Variants in WDR41 observed in about 807,000 individuals in gnomAD.
WDR41 encodes the protein WD repeat domain 41.
In WDR41, 63 loss-of-function variants were observed where a neutral mutation model predicts 69.3. That is an observed-to-expected ratio of 0.91 (90% CI 0.74 to 1.12). The LOEUF (loss-of-function observed/expected upper bound fraction) is 1.12. Among genes scored for constraint, WDR41 ranks in the 50% most tolerant of loss-of-function variants. The probability of loss-of-function intolerance (pLI) is 0.00; values close to 1 mark genes in which losing one functional copy is unlikely to be tolerated. For missense variants in WDR41, 543 were observed against 534.5 expected (o/e 1.02, Z -0.16); for synonymous variants, 185 against 192.1 (o/e 0.96, Z 0.31).
intron 1 of WDR41, among the ~76,000 whole-genome samples, chr5:77,566,246 C>T (rs1193763894): frequency 1.3e-5 from 2 of 152,102 alleles, no homozygotes; most frequent in Non-Finnish European, 1.5e-5. Flanking sequence ...GCTTATGAGG[C>T]CATCTAACTC....
At chr5:77,464,439 G>A (rs1800207075) in intron 3 of WDR41, among the ~76,000 whole-genome samples, 1 of 151,690 alleles carries the variant, frequency 6.6e-6, no homozygotes, top group African/African-American at 2.4e-5. Flanking sequence ...TAGAGACGGG[G>A]TCTTGCTATG....
Position 77,436,341 on chromosome 5 carries a change from C to A in WDR41, c.1147G>T (p.Val383Phe). 1 of 1,614,082 alleles carries A rather than the reference C, an allele frequency of 6.2e-7. No homozygotes were observed. The highest frequency in any genetic ancestry group is 8.5e-7 in the Non-Finnish European group (1 of 1,179,984). Residue 383 changes from valine (V) to phenylalanine (F), a missense_variant, in exon 12 of 13, where the codon GTT becomes TTT. Physicochemically the swap from Val to Phe is conservative, Grantham distance 50. Transcript: ENST00000296679. ...GTAGCATTTTCTTGCTGCTTTTTAA[C>A]AGGTTGGCTGGCTTGTTTGCTGACT... is the stretch of plus-strand genomic sequence containing the variant. ...GRVSKQASQP[V>F]KKQQENATSC...
chr5:77,500,535 G>T (rs902758117), intron 1 of WDR41, among the ~76,000 whole-genome samples: 1 of 152,168 alleles, frequency 6.6e-6, no homozygotes, highest in Admixed American at 6.5e-5. Flanking sequence ...GGGATAATAA[G>T]AGAGTATTAT....
intron 2 of WDR41, among the ~76,000 whole-genome samples, chr5:77,483,850 TTC>T (rs1561197649): frequency 6.6e-6 from 1 of 152,160 alleles, no homozygotes; most frequent in African/African-American, 2.4e-5. Context: ...CAAAGGTGAG[TTC>T]TCTTTTTTAA....
intron 1 of WDR41, among the ~76,000 whole-genome samples, chr5:77,529,022 T>C (rs1181473740): frequency 6.6e-6 from 1 of 151,546 alleles, no homozygotes; most frequent in African/African-American, 2.4e-5. Context: ...TACTGAACTT[T>C]GTACTGTACC....
At chr5:77,586,963 CT>C in intron 1 of WDR41, among the ~76,000 whole-genome samples, 1 of 151,990 alleles carries the variant, frequency 6.6e-6, no homozygotes, top group Non-Finnish European at 1.5e-5. Flanking sequence ...TGTGATCCGC[CT>C]GCCTTGGCCT....
intron 2 of WDR41, among the ~76,000 whole-genome samples, chr5:77,471,120 A>T (rs1444674082): frequency 2.0e-5 from 3 of 152,142 alleles, no homozygotes; most frequent in East Asian, 3.9e-4. Flanking sequence ...GGATTAAGAA[A>T]CTCACTCAAA....
intron 2 of WDR41, among the ~76,000 whole-genome samples, chr5:77,474,612 A>T (rs139280063): frequency 6.6e-6 from 1 of 152,200 alleles, no homozygotes; most frequent in Admixed American, 6.5e-5. Context: ...CTACTTCAAC[A>T]ATTTCTTTTC....
chr5:77,535,140 T>A (rs149761932), intron 1 of WDR41, among the ~76,000 whole-genome samples: 31 of 152,292 alleles, frequency 2.0e-4, no homozygotes. Context: ...GCTGAGTTCC[T>A]CTTACAGTCT....
intron 1 of WDR41, among the ~76,000 whole-genome samples, chr5:77,534,509 C>A (rs574314192): frequency 8.6e-5 from 13 of 152,010 alleles, no homozygotes; most frequent in Non-Finnish European, 1.9e-4. Context: ...TCTCGGCTCA[C>A]TGCAACCTCC....
chr5:77,553,789 C>G (rs1233889739), intron 1 of WDR41, among the ~76,000 whole-genome samples: 1 of 152,060 alleles, frequency 6.6e-6, no homozygotes, highest in East Asian at 1.9e-4. Flanking sequence ...AATAACACCA[C>G]CAAATGCTGG....
intron 3 of WDR41, among the ~76,000 whole-genome samples, chr5:77,464,082 G>A (rs1261757615): frequency 6.6e-6 from 1 of 151,806 alleles, no homozygotes; most frequent in East Asian, 1.9e-4. Context: ...AGTCAAACAT[G>A]AGAAAAATGT....
At chr5:77,450,206 T>A (rs1014513019) in intron 7 of WDR41, among the ~76,000 whole-genome samples, 1 of 152,172 alleles carries the variant, frequency 6.6e-6, no homozygotes, top group African/African-American at 2.4e-5. Flanking sequence ...CTAGCCCACA[T>A]CCCTCAATCA....
chr5:77,552,697 A>G (rs1743320148), intron 1 of WDR41, among the ~76,000 whole-genome samples: 1 of 152,216 alleles, frequency 6.6e-6, no homozygotes, highest in Non-Finnish European at 1.5e-5. Flanking sequence ...AGGGGTAGAC[A>G]CATGAATCAA....
chr5:77,581,671 T>C (rs6453334), intron 1 of WDR41, among the ~76,000 whole-genome samples: 1 of 151,804 alleles, frequency 6.6e-6, no homozygotes, highest in East Asian at 1.9e-4. Context: ...CCACAATGGG[T>C]TGAAATTAGA....
chr5:77,491,641 G>A (rs1330448813), intron 1 of WDR41, among the ~76,000 whole-genome samples: 2 of 137,268 alleles, frequency 1.5e-5, no homozygotes, highest in African/African-American at 5.3e-5. Flanking sequence ...TGACCTTGAA[G>A]CAGATTACTT....
At chr5:77,598,476 T>C (rs1744263028) in intron 1 of WDR41, among the ~76,000 whole-genome samples, 1 of 152,086 alleles carries the variant, frequency 6.6e-6, no homozygotes, top group African/African-American at 2.4e-5. Context: ...GCTTCAGCCA[T>C]CCTAGAACCA....
At chr5:77,547,299 G>A (rs1005793769) in intron 1 of WDR41, among the ~76,000 whole-genome samples, 1 of 151,866 alleles carries the variant, frequency 6.6e-6, no homozygotes, top group African/African-American at 2.4e-5. Flanking sequence ...AAAAATAAAG[G>A]GCATCCAAAT....
intron 1 of WDR41, among the ~76,000 whole-genome samples, chr5:77,616,683 C>A (rs1013175155): frequency 2.0e-5 from 3 of 152,160 alleles, no homozygotes; most frequent in Non-Finnish European, 2.9e-5. Context: ...CCCTCATATA[C>A]CTACTCTAAA....
Sources: gnomAD v4.1 joint callset for allele counts (sites outside exome capture counted in the v4.1 genomes callset) on GRCh38, gnomAD v4.1.1 for gene constraint, MANE v1.5 for transcripts, NCBI Gene and HGNC (gene_info 2026-07-23, HGNC 2026-07-21) for gene names.